Variants in AGBL3 observed in about 807,000 individuals in gnomAD.
AGBL3 encodes cytosolic carboxypeptidase 3.
Under a neutral mutation model 94.5 loss-of-function variants are expected in AGBL3, and 68 were observed. The ratio of observed to expected loss-of-function variants is 0.72; its 90% CI spans 0.59 to 0.88. AGBL3 has a LOEUF of 0.88. AGBL3 is among the 40% of genes least tolerant of loss of function. The probability of loss-of-function intolerance (pLI) is 0.00; values close to 1 mark genes in which losing one functional copy is unlikely to be tolerated. For synonymous variants in AGBL3, 354 were observed against 370.7 expected (o/e 0.95, Z 0.52); for missense variants, 934 against 1,103.8 (o/e 0.85, Z 2.18).
chr7:135,117,295 T>A (rs948164690), intron 16 of AGBL3, among the ~76,000 whole-genome samples: 1 of 152,232 alleles, frequency 6.6e-6, no homozygotes, highest in Non-Finnish European at 1.5e-5. Flanking sequence ...AATCATCTTG[T>A]TAACATGCAA....
At chr7:134,996,170 T>C (rs1349410948) in intron 4 of AGBL3, among the ~76,000 whole-genome samples, 1 of 152,172 alleles carries the variant, frequency 6.6e-6, no homozygotes, top group African/African-American at 2.4e-5. Context: ...TGGCAAGCAT[T>C]GGGGCCCAGG....
At position 135,045,545 on chromosome 7, in the gene AGBL3, T is replaced by C. The variant is rs1407065053; in HGVS notation, c.1699T>C (p.Leu567=). 3 of 1,551,212 alleles carry C rather than the reference T, an allele frequency of 1.9e-6. No homozygotes were observed. Among genetic ancestry groups the C allele is most frequent in the South Asian group, 1.2e-5 (1 of 84,054 alleles). ...SMGYHFCDSL[L]DYCDPDRTKY... is the part of the protein sequence containing the mutation. The stretch of plus-strand genomic sequence containing the variant: ...GGGATATCATTTTTGTGATTCTCTC[T>C]TGGATTATTGTGATCCCGACCGGAC... Residue 567 remains leucine, a synonymous_variant, in exon 10 of 17, where the codon TTG becomes CTG. Transcript: ENST00000436302.
chr7:135,045,422 A>C, intron 9 of AGBL3, 52 bp from the exon 10 acceptor site: 1 of 1,423,984 alleles, frequency 7.0e-7, no homozygotes, highest in Non-Finnish European at 9.7e-7. Context: ...GTACCTGCTA[A>C]GAAAAATTAT....
chr7:135,048,493 G>A (rs1158847579), intron 11 of AGBL3, among the ~76,000 whole-genome samples: 1 of 151,816 alleles, frequency 6.6e-6, no homozygotes, highest in African/African-American at 2.4e-5. Flanking sequence ...AACAGGGGAT[G>A]TCTTTCCATT....
At chr7:135,074,555 G>A (rs1232421726) in intron 12 of AGBL3, among the ~76,000 whole-genome samples, 1 of 152,078 alleles carries the variant, frequency 6.6e-6, no homozygotes, top group Non-Finnish European at 1.5e-5. Context: ...ATTCTCTGCT[G>A]TGCCATCACA....
At chr7:135,008,481 T>C (rs1036221975) in intron 4 of AGBL3, among the ~76,000 whole-genome samples, 6 of 152,080 alleles carry the variant, frequency 3.9e-5, no homozygotes, top group African/African-American at 9.7e-5. Flanking sequence ...TATACAAAAA[T>C]TGATTCAAAA....
chr7:135,070,763 A>G (rs1057186367), intron 12 of AGBL3, among the ~76,000 whole-genome samples: 4 of 152,090 alleles, frequency 2.6e-5, no homozygotes, highest in African/African-American at 9.7e-5. Context: ...ACCCACAGCC[A>G]ATATCATACT....
chr7:135,106,808 A>T (rs1016365788), intron 15 of AGBL3, among the ~76,000 whole-genome samples: 2 of 152,112 alleles, frequency 1.3e-5, no homozygotes, highest in Non-Finnish European at 2.9e-5. Flanking sequence ...GTCTTTGTAC[A>T]TCTGATTGAA....
chr7:135,002,722 G>A (rs938671404), intron 4 of AGBL3, among the ~76,000 whole-genome samples: 1 of 152,128 alleles, frequency 6.6e-6, no homozygotes, highest in African/African-American at 2.4e-5. Flanking sequence ...TGCACAATGA[G>A]AGTACCTATT....
chr7:135,110,583 C>G (rs1563276456), intron 15 of AGBL3, among the ~76,000 whole-genome samples: 2 of 152,160 alleles, frequency 1.3e-5, no homozygotes, highest in Non-Finnish European at 2.9e-5. Context: ...CTTCCTTGGG[C>G]AGGGGAGGCT....
At chr7:135,060,081 A>C (rs1044186291) in intron 12 of AGBL3, among the ~76,000 whole-genome samples, 1 of 152,176 alleles carries the variant, frequency 6.6e-6, no homozygotes, top group Non-Finnish European at 1.5e-5. Flanking sequence ...GAAAACCCGG[A>C]GTACACAAGG....
Position 135,098,747 on chromosome 7 carries a change from T to C in AGBL3, c.2111-16633T>C, listed in dbSNP as rs138394664. On this transcript the variant is annotated intron_variant, in intron 15 of 16. Transcript: ENST00000436302. ...CTGCAGGCAGTTCAGAGAAGTATTA[T>C]TGGAAAAAGAAACAGGAAGAGCAAA... is the stretch of plus-strand genomic sequence containing the variant. Among the ~76,000 whole-genome samples the C allele has an allele frequency of 7.1e-3, 1,076 of 152,264 alleles. 15 individuals carry two copies. The highest frequency in any genetic ancestry group is 0.025 in the African/African-American group (1,023 of 41,550).
At chr7:135,056,609 G>A (rs1028445925) in intron 11 of AGBL3, among the ~76,000 whole-genome samples, 1 of 151,198 alleles carries the variant, frequency 6.6e-6, no homozygotes, top group East Asian at 1.9e-4. Flanking sequence ...ACGAACAACT[G>A]GAATTTAAAA....
At chr7:135,072,742 CA>C (rs1160383460) in intron 12 of AGBL3, among the ~76,000 whole-genome samples, 1 of 137,064 alleles carries the variant, frequency 7.3e-6, no homozygotes, top group South Asian at 2.3e-4. Flanking sequence ...GGAAGGGGAA[CA>C]TCACACACCG....
intron 12 of AGBL3, among the ~76,000 whole-genome samples, chr7:135,067,601 C>G (rs1224427392): frequency 6.6e-6 from 1 of 152,212 alleles, no homozygotes; most frequent in Admixed American, 6.5e-5. Flanking sequence ...TGTTCTGCAG[C>G]CTCCGCTGCT....
At chr7:135,055,787 T>C (rs756655622) in intron 11 of AGBL3, among the ~76,000 whole-genome samples, 14 of 152,212 alleles carry the variant, frequency 9.2e-5, no homozygotes, top group Non-Finnish European at 1.8e-4. Context: ...AAAAAGTAAG[T>C]GTTCTCTCTG....
At chr7:135,116,956 A>G (rs2117200003) in intron 16 of AGBL3, among the ~76,000 whole-genome samples, 1 of 152,254 alleles carries the variant, frequency 6.6e-6, no homozygotes, top group South Asian at 2.1e-4. Flanking sequence ...TGGATATATG[A>G]GGCAAAAAGA....
At chr7:135,021,909 CAT>C (rs1254540755) in intron 5 of AGBL3, among the ~76,000 whole-genome samples, 3 of 152,144 alleles carry the variant, frequency 2.0e-5, no homozygotes, top group Admixed American at 6.6e-5. Context: ...TGAGTGAAAA[CAT>C]GTGGCGTTTG....
intron 7 of AGBL3, 125 bp from the exon 8 acceptor site, chr7:135,037,293 G>A (rs1816408898): frequency 4.2e-6 from 3 of 722,658 alleles, no homozygotes; most frequent in Non-Finnish European, 6.2e-6. Context: ...ATGCAATATA[G>A]ATAAGAGAAA....
Sources: allele counts gnomAD v4.1 joint callset (sites outside exome capture counted in the v4.1 genomes callset), GRCh38; gene constraint gnomAD v4.1.1; transcripts MANE v1.5; gene names NCBI Gene and HGNC (gene_info 2026-07-23, HGNC 2026-07-21).